Variants in DMD observed in about 807,000 individuals in gnomAD.
The protein encoded by DMD is mutant dystrophin.
In DMD, 63 loss-of-function variants were observed where a neutral mutation model predicts 330.1. That is an observed-to-expected ratio of 0.19 (90% CI 0.16 to 0.24). DMD has a LOEUF of 0.24. DMD is among the 10% of genes least tolerant of loss of function. DMD has a pLI of 1.00. For synonymous variants in DMD, 1,223 were observed against 959.8 expected (o/e 1.27, Z -5.07); for missense variants, 3,344 against 2,684.1 (o/e 1.25, Z -5.43).
chrX:32,542,610 C>G (rs1031346507), intron 17 of DMD, among the ~76,000 whole-genome samples: 5 of 111,830 alleles, frequency 4.5e-5, no homozygotes. Context: ...GTCAAGACCT[C>G]AATATTCAGT....
intron 9 of DMD, among the ~76,000 whole-genome samples, chrX:32,669,879 G>A (rs940825118): frequency 2.7e-5 from 3 of 110,969 alleles, no homozygotes; most frequent in East Asian, 2.8e-4. Context: ...CCTCCACAAT[G>A]TGTCCTTCAA....
At chrX:32,076,636 C>T (rs912622683) in intron 44 of DMD, among the ~76,000 whole-genome samples, 8 of 111,507 alleles carry the variant, frequency 7.2e-5, no homozygotes, top group Non-Finnish European at 1.5e-4. Flanking sequence ...GCCTCAGGCT[C>T]CCAAAGTGCT....
chrX:32,847,914 T>C (rs1383280564), intron 3 of DMD, among the ~76,000 whole-genome samples: 1 of 112,542 alleles, frequency 8.9e-6, no homozygotes, highest in African/African-American at 3.2e-5. Context: ...TTATATCAAA[T>C]GGGTAGTGTG....
At chrX:32,696,397 C>T (rs1178979853) in intron 9 of DMD, among the ~76,000 whole-genome samples, 1 of 111,916 alleles carries the variant, frequency 8.9e-6, no homozygotes, top group Non-Finnish European at 1.9e-5. Context: ...TGTGCTGTGT[C>T]TTTTTTAAAT....
chrX:31,126,942 G>A (rs780481610), intron 77 of DMD, among the ~76,000 whole-genome samples: 1 of 111,228 alleles, frequency 9.0e-6, no homozygotes, highest in South Asian at 3.8e-4. Flanking sequence ...TAGAGTTCAC[G>A]CATTAAACTG....
chrX:31,172,193 GC>G (rs936270321), intron 73 of DMD, among the ~76,000 whole-genome samples, 154 bp downstream of exon 73: 9 of 111,651 alleles, frequency 8.1e-5, no homozygotes, highest in African/African-American at 2.9e-4. Context: ...CCATGCCAGG[GC>G]ATTAAGAATT....
intron 67 of DMD, among the ~76,000 whole-genome samples, chrX:31,198,166 C>G (rs2043103177): frequency 9.0e-6 from 1 of 110,597 alleles, no homozygotes; most frequent in Non-Finnish European, 1.9e-5. Context: ...GAAATATGAT[C>G]TAGTGTTTGG....
intron 55 of DMD, among the ~76,000 whole-genome samples, chrX:31,610,550 C>T (rs1487907841): frequency 8.9e-6 from 1 of 111,748 alleles, no homozygotes; most frequent in East Asian, 2.8e-4. Flanking sequence ...CAAAACAAAA[C>T]CTTTTTTCCT....
intron 18 of DMD, among the ~76,000 whole-genome samples, chrX:32,516,436 G>A (rs1405314037): frequency 1.8e-5 from 2 of 111,433 alleles, no homozygotes; most frequent in Non-Finnish European, 3.8e-5. Context: ...AGCACTTTTA[G>A]TCTGTCATGC....
intron 5 of DMD, 112 bp from the exon 6 acceptor site, chrX:32,816,752 A>G: frequency 4.3e-6 from 3 of 702,296 alleles, no homozygotes; most frequent in Non-Finnish European, 6.6e-6. Context: ...TTTAGGGCCA[A>G]TTAGTAATGA....
chrX:33,315,410 G>C (rs914116893), intron 1 of DMD, among the ~76,000 whole-genome samples: 1 of 111,884 alleles, frequency 8.9e-6, no homozygotes, highest in East Asian at 2.8e-4. Flanking sequence ...AGAGGCTGGA[G>C]ATGACTAAAG....
chrX:32,696,781 G>A (rs1391739276), intron 9 of DMD, among the ~76,000 whole-genome samples: 2 of 111,158 alleles, frequency 1.8e-5, no homozygotes, highest in African/African-American at 6.5e-5. Flanking sequence ...TCAACGGAGG[G>A]AATGGTGATA....
At chrX:32,549,307 TCA>T (rs1416884193) in intron 16 of DMD, among the ~76,000 whole-genome samples, 3 of 111,596 alleles carry the variant, frequency 2.7e-5, no homozygotes, top group Non-Finnish European at 5.7e-5. Flanking sequence ...ACACATTTCT[TCA>T]CAGGTGTGTT....
At chrX:32,981,167 T>C (rs373445759) in intron 2 of DMD, among the ~76,000 whole-genome samples, 1 of 112,058 alleles carries the variant, frequency 8.9e-6, no homozygotes, top group Non-Finnish European at 1.9e-5. Context: ...AAAGATTTAA[T>C]TGCATATACA....
At chrX:32,436,752 G>T (rs969143776) in intron 29 of DMD, among the ~76,000 whole-genome samples, 3 of 110,183 alleles carry the variant, frequency 2.7e-5, no homozygotes, top group Non-Finnish European at 3.8e-5. Context: ...GGGAGTTCAA[G>T]ACCAGCCTGG....
In DMD at chrX:31,604,555, G is replaced by A. The variant is rs1009306785; in HGVS notation, c.8217+23118C>T. Among the ~76,000 whole-genome samples, 11 of 111,931 alleles carry A rather than the reference G, an allele frequency of 9.8e-5. No individual in the cohort carries two copies. The South Asian group carries it at 2.6e-3, about 27-fold the overall frequency. On this transcript the variant is annotated intron_variant, in intron 55 of 78. Coordinates refer to ENST00000357033, the MANE Select transcript of DMD (RefSeq NM_004006.3). Reference sequence around the variant, plus strand: ...CACCTCAATAGGATGGAAGATGCACGTTCTATACAGTCTTATGACCAGCCT... The same window carrying A: ...CACCTCAATAGGATGGAAGATGCACATTCTATACAGTCTTATGACCAGCCT...
At chrX:31,470,599 G>T (rs1569545363) in intron 59 of DMD, among the ~76,000 whole-genome samples, 1 of 112,208 alleles carries the variant, frequency 8.9e-6, no homozygotes, top group Non-Finnish European at 1.9e-5. Flanking sequence ...CTGCTGGGAG[G>T]TGTCTCCCAG....
At chrX:32,652,669 T>C (rs992624407) in intron 9 of DMD, among the ~76,000 whole-genome samples, 1 of 111,263 alleles carries the variant, frequency 9.0e-6, no homozygotes, top group Non-Finnish European at 1.9e-5. Context: ...GGTATATTAC[T>C]GTAATGGGAT....
chrX:31,610,663 C>T (rs2077862413), intron 55 of DMD, among the ~76,000 whole-genome samples: 1 of 111,906 alleles, frequency 8.9e-6, no homozygotes, highest in Admixed American at 9.5e-5. Context: ...AAGACTGAGA[C>T]ATAATTGTGA....
Sources: allele counts gnomAD v4.1 joint callset (sites outside exome capture counted in the v4.1 genomes callset), GRCh38; gene constraint gnomAD v4.1.1; transcripts MANE v1.5; gene names NCBI Gene and HGNC (gene_info 2026-07-23, HGNC 2026-07-21).